PTGER3: variants seen among roughly 807,000 people sequenced by gnomAD.
The protein encoded by PTGER3 is prostaglandin E receptor 3.
In PTGER3, 22 loss-of-function variants were observed where a neutral mutation model predicts 34.7. The observed-to-expected ratio is 0.63, with a 90% CI of 0.45 to 0.91. The LOEUF is 0.91. PTGER3 is among the 40% of genes least tolerant of loss of function. The pLI is 0.00. For missense variants in PTGER3, 468 were observed against 519.4 expected (o/e 0.90, Z 0.96); for synonymous variants, 241 against 230.1 (o/e 1.05, Z -0.43).
chr1:70,934,967 G>C (rs1475772738), intron 4 of PTGER3, among the ~76,000 whole-genome samples: 4 of 152,094 alleles, frequency 2.6e-5, no homozygotes, highest in Non-Finnish European at 2.9e-5. Context: ...GGCCCTTCAA[G>C]GTAAATGTTG....
chr1:70,948,158 T>G (rs1270243187), downstream of PTGER3, among the ~76,000 whole-genome samples: 1 of 152,112 alleles, frequency 6.6e-6, no homozygotes, highest in Non-Finnish European at 1.5e-5. Flanking sequence ...CCTTTGAGAT[T>G]TATACGTTGC....
intron 4 of PTGER3, among the ~76,000 whole-genome samples, chr1:70,874,955 C>G (rs1217632632): frequency 6.6e-6 from 1 of 152,112 alleles, no homozygotes; most frequent in Non-Finnish European, 1.5e-5. Flanking sequence ...TTTGGGTTTT[C>G]TATTTGCCTT....
chr1:70,927,403 T>C (rs1648210218), intron 4 of PTGER3, among the ~76,000 whole-genome samples: 1 of 152,152 alleles, frequency 6.6e-6, no homozygotes, highest in Non-Finnish European at 1.5e-5. Flanking sequence ...CTTTTAATTT[T>C]CTAGCTTGAA....
intron 2 of PTGER3, chr1:71,010,926 A>G: frequency 1.0e-6 from 1 of 985,266 alleles, no homozygotes; most frequent in Non-Finnish European, 1.2e-6. Flanking sequence ...CAAGAAGTAT[A>G]AATAAATCTC....
chr1:70,944,381 G>A (rs1426770378), intron 4 of PTGER3, among the ~76,000 whole-genome samples: 1 of 152,056 alleles, frequency 6.6e-6, no homozygotes, highest in South Asian at 2.1e-4. Context: ...GCTCCTGGTT[G>A]CCCTGTTACC....
chr1:70,875,275 T>A (rs1374104492), intron 4 of PTGER3, among the ~76,000 whole-genome samples: 2 of 152,196 alleles, frequency 1.3e-5, no homozygotes, highest in Non-Finnish European at 2.9e-5. Flanking sequence ...TCCCTGGGGT[T>A]TGACAGGTTA....
At chr1:70,952,889 G>C (rs565415760) in exon 4 of PTGER3, 2 of 1,596,938 alleles carry the variant, frequency 1.3e-6, no homozygotes, top group African/African-American at 2.7e-5. Context: ...CAGCACTCCT[G>C]TAGTTATTTT....
At chr1:70,941,194 T>A (rs1171630777) in intron 4 of PTGER3, among the ~76,000 whole-genome samples, 1 of 152,230 alleles carries the variant, frequency 6.6e-6, no homozygotes, top group African/African-American at 2.4e-5. Context: ...TAACTTGTAA[T>A]GATTTTCTGT....
intron 4 of PTGER3, among the ~76,000 whole-genome samples, chr1:70,918,052 C>T (rs1262419708): frequency 6.6e-6 from 1 of 151,876 alleles, no homozygotes; most frequent in Non-Finnish European, 1.5e-5. Flanking sequence ...CACACATAGA[C>T]CAATGGAACA....
At chr1:70,963,955 A>G (rs1313951054) in intron 2 of PTGER3, among the ~76,000 whole-genome samples, 6 of 152,206 alleles carry the variant, frequency 3.9e-5, no homozygotes, top group Non-Finnish European at 7.3e-5. Flanking sequence ...GATATCCCAA[A>G]GCATCTCTCT....
At chr1:70,853,592 A>G (rs1330650323) in intron 4 of PTGER3, among the ~76,000 whole-genome samples, 1 of 152,230 alleles carries the variant, frequency 6.6e-6, no homozygotes, top group Non-Finnish European at 1.5e-5. Flanking sequence ...TGATAATAAT[A>G]TTGTGGTTTT....
At chr1:70,917,678 C>T (rs970615611) in intron 4 of PTGER3, among the ~76,000 whole-genome samples, 1 of 151,746 alleles carries the variant, frequency 6.6e-6, no homozygotes, top group Non-Finnish European at 1.5e-5. Flanking sequence ...CCACCAACCA[C>T]GTATAAGAGT....
intron 1 of PTGER3, among the ~76,000 whole-genome samples, chr1:71,013,128 A>G (rs1167163889): frequency 6.6e-6 from 1 of 152,158 alleles, no homozygotes; most frequent in Non-Finnish European, 1.5e-5. Context: ...ATACACTGCA[A>G]TGTAAACTCC....
intron 4 of PTGER3, among the ~76,000 whole-genome samples, chr1:70,856,289 A>G (rs1380833012): frequency 6.6e-6 from 1 of 152,118 alleles, no homozygotes; most frequent in African/African-American, 2.4e-5. Context: ...AGCTACAAAA[A>G]ATTAGCTGGG....
At chr1:70,992,508 C>T (rs138496151) in intron 2 of PTGER3, among the ~76,000 whole-genome samples, 1 of 152,306 alleles carries the variant, frequency 6.6e-6, no homozygotes, top group African/African-American at 2.4e-5. Context: ...CTAAAGATAG[C>T]GCTCTGTTGA....
chr1:70,885,413 G>T (rs1355434864), intron 4 of PTGER3, among the ~76,000 whole-genome samples: 2 of 151,764 alleles, frequency 1.3e-5, no homozygotes, highest in East Asian at 1.9e-4. Flanking sequence ...AAGATACAAA[G>T]AATATAATAT....
At chr1:70,989,462 C>A (rs533963805) in intron 2 of PTGER3, among the ~76,000 whole-genome samples, 2 of 151,730 alleles carry the variant, frequency 1.3e-5, no homozygotes, top group South Asian at 4.2e-4. Flanking sequence ...TTTTCTCTAC[C>A]TTCTCACTTT....
At chr1:71,004,576 C>T (rs1032547324) in intron 2 of PTGER3, among the ~76,000 whole-genome samples, 3 of 152,140 alleles carry the variant, frequency 2.0e-5, no homozygotes, top group African/African-American at 7.2e-5. Flanking sequence ...TTTTCTCCTT[C>T]GGAGAGAATT....
intron 2 of PTGER3, among the ~76,000 whole-genome samples, chr1:70,964,766 A>G (rs1652333732): frequency 6.6e-6 from 1 of 152,164 alleles, no homozygotes; most frequent in Admixed American, 6.5e-5. Context: ...TTCAGTCTTG[A>G]ATTATCTTGA....
Sources: gnomAD v4.1 joint callset for allele counts (sites outside exome capture counted in the v4.1 genomes callset) on GRCh38, gnomAD v4.1.1 for gene constraint, MANE v1.5 for transcripts, NCBI Gene and HGNC (gene_info 2026-07-23, HGNC 2026-07-21) for gene names.